Variants in SLC9A1 observed in about 807,000 individuals in gnomAD.
SLC9A1 encodes solute carrier family 9 member A1, also known as sodium/hydrogen exchanger 1.
Under a neutral mutation model 67.9 loss-of-function variants are expected in SLC9A1, and 22 were observed. The observed-to-expected ratio is 0.32, with a 90% CI of 0.23 to 0.46. The LOEUF is 0.46. Ranked by LOEUF, SLC9A1 falls within the 20% of genes least tolerant of loss-of-function variation. SLC9A1 has a pLI of 1.00. For synonymous variants in SLC9A1, 421 were observed against 471.8 expected, an observed-to-expected ratio of 0.89 and a Z score of 1.40; for missense variants, 686 against 1,094.8, an observed-to-expected ratio of 0.63 and a Z score of 5.27.
Position 27,101,302 on chromosome 1 carries a change from C to A in SLC9A1, c.2038-27G>T, listed in dbSNP as rs570076576. 2 of 1,597,394 alleles carry A rather than the reference C, an allele frequency of 1.3e-6. No individual in the cohort carries two copies. Among genetic ancestry groups the A allele is most frequent in the Admixed American group, 1.7e-5 (1 of 59,934 alleles). On this transcript the variant is annotated intron_variant, in intron 10 of 11. Transcript: ENST00000263980. This position sits in a 1 kb window ranked among gnomAD's most constrained non-coding sequence, Gnocchi z 4.9. ...TGACAGAGAGGACAGACGGGGTGAG[C>A]ACAGGCAGCTGGGCAGAGGGAGCCC... is the stretch of plus-strand genomic sequence containing the variant.
intron 1 of SLC9A1, among the ~76,000 whole-genome samples, chr1:27,120,504 G>A (rs1394814354): frequency 3.3e-5 from 5 of 151,716 alleles, no homozygotes; most frequent in African/African-American, 7.3e-5. Context: ...TTGGGAGGCC[G>A]AGGCGGGTGG....
intron 1 of SLC9A1, among the ~76,000 whole-genome samples, chr1:27,128,138 G>A (rs558584981): frequency 1.3e-5 from 2 of 152,338 alleles, no homozygotes; most frequent in Admixed American, 1.3e-4. Flanking sequence ...GCTTGCACGA[G>A]GCAGCAGCGG....
At chr1:27,121,468 C>A (rs1006300309) in intron 1 of SLC9A1, among the ~76,000 whole-genome samples, 11 of 152,216 alleles carry the variant, frequency 7.2e-5, no homozygotes, top group African/African-American at 2.4e-4. Context: ...AGGGACTAGA[C>A]ACAGGAGCAC....
At chr1:27,126,703 C>A (rs1350255578) in intron 1 of SLC9A1, among the ~76,000 whole-genome samples, 1 of 152,214 alleles carries the variant, frequency 6.6e-6, no homozygotes, top group Non-Finnish European at 1.5e-5. Context: ...TAGGCCTCAG[C>A]ACGGAGCCTG....
At chr1:27,142,855 C>T (rs2083460869) in intron 1 of SLC9A1, among the ~76,000 whole-genome samples, 3 of 152,058 alleles carry the variant, frequency 2.0e-5, no homozygotes, top group African/African-American at 7.2e-5. Flanking sequence ...CTCTGGGGTC[C>T]TTCTCCTTGC....
chr1:27,146,406 A>G (rs2083485588), intron 1 of SLC9A1, among the ~76,000 whole-genome samples: 1 of 152,212 alleles, frequency 6.6e-6, no homozygotes. Context: ...TGATCCACAG[A>G]AAGCAGCCAA....
At chr1:27,128,604 C>T (rs1055779355) in intron 1 of SLC9A1, among the ~76,000 whole-genome samples, 19 of 149,876 alleles carry the variant, frequency 1.3e-4, no homozygotes, top group African/African-American at 3.5e-4. Flanking sequence ...TTCAGTGAGC[C>T]GAGATCATGC....
chr1:27,133,042 C>T (rs1391311579), intron 1 of SLC9A1, among the ~76,000 whole-genome samples: 2 of 151,988 alleles, frequency 1.3e-5, no homozygotes, highest in Non-Finnish European at 2.9e-5. Flanking sequence ...AAGGCCTAGC[C>T]CAAGCCCGTC....
chr1:27,135,249 C>T (rs2083412188), intron 1 of SLC9A1, among the ~76,000 whole-genome samples: 1 of 151,448 alleles, frequency 6.6e-6, no homozygotes, highest in Non-Finnish European at 1.5e-5. Context: ...GACAGGGTCT[C>T]CCTAGGTTGC....
intron 5 of SLC9A1, chr1:27,103,625 A>C: frequency 2.7e-6 from 1 of 375,832 alleles, no homozygotes; most frequent in Non-Finnish European, 5.0e-6. Context: ...TTGCTCTGCA[A>C]CCCCATGGAA....
chr1:27,126,424 A>G (rs1454009525), intron 1 of SLC9A1, among the ~76,000 whole-genome samples: 2 of 152,182 alleles, frequency 1.3e-5, no homozygotes, highest in Non-Finnish European at 2.9e-5. Context: ...TGGGCGAACC[A>G]CAAGATGTTG....
chr1:27,124,005 C>A (rs1404722511), intron 1 of SLC9A1, among the ~76,000 whole-genome samples: 3 of 152,076 alleles, frequency 2.0e-5, no homozygotes, highest in African/African-American at 7.2e-5. Flanking sequence ...GTATTTCAAG[C>A]CACCATCTCC....
At chr1:27,147,944 A>T in intron 1 of SLC9A1, among the ~76,000 whole-genome samples, 1 of 152,044 alleles carries the variant, frequency 6.6e-6, no homozygotes, top group Non-Finnish European at 1.5e-5. Context: ...CAGTGAGCTG[A>T]GATTGCACTA....
intron 1 of SLC9A1, among the ~76,000 whole-genome samples, chr1:27,151,381 A>G (rs1407627945): frequency 5.3e-5 from 8 of 151,862 alleles, no homozygotes; most frequent in Admixed American, 5.3e-4. Flanking sequence ...TTATTTAGAG[A>G]CGGAATTTCA....
intron 3 of SLC9A1, among the ~76,000 whole-genome samples, chr1:27,108,965 C>T (rs1204321919): frequency 6.6e-6 from 1 of 152,176 alleles, no homozygotes; most frequent in African/African-American, 2.4e-5. Context: ...GTGCTCACAC[C>T]CGGGCTCTGC....
chr1:27,107,042 G>A (rs1018421457), intron 4 of SLC9A1, among the ~76,000 whole-genome samples: 2 of 149,956 alleles, frequency 1.3e-5, no homozygotes, highest in Non-Finnish European at 3.0e-5. Context: ...GGAGCAGGCA[G>A]GAGCCAACCA....
chr1:27,123,203 C>G (rs2124171197), intron 1 of SLC9A1, among the ~76,000 whole-genome samples: 1 of 152,190 alleles, frequency 6.6e-6, no homozygotes, highest in East Asian at 1.9e-4. Flanking sequence ...AAATTTTTTT[C>G]TAACAGTCAT....
At chr1:27,153,567 C>G in intron 1 of SLC9A1, among the ~76,000 whole-genome samples, 1 of 152,222 alleles carries the variant, frequency 6.6e-6, no homozygotes, top group Non-Finnish European at 1.5e-5. Flanking sequence ...CCAGTGAAGC[C>G]TGTCATAAAT....
rs911245148 is a variant in SLC9A1 at position 27,155,103 on chromosome 1, C to A, written c.-769G>T. On this transcript the variant is annotated 5_prime_UTR_variant, in exon 1 of 12. Coordinates refer to ENST00000263980, the MANE Select transcript of SLC9A1 (RefSeq NM_003047.5). This position sits in a 1 kb window ranked among gnomAD's most constrained non-coding sequence, Gnocchi z 4.5. ...GTCCAGCTCCAGAACTAACCCTAGCCCCGGCCCCGGCGGCAGCAGACTGAA... is the reference window on the plus strand; with the variant it reads ...GTCCAGCTCCAGAACTAACCCTAGCACCGGCCCCGGCGGCAGCAGACTGAA... Among the ~76,000 whole-genome samples the A allele has an allele frequency of 1.7e-4, 26 of 152,056 alleles. No homozygotes were observed. Among genetic ancestry groups the A allele is most frequent in the Non-Finnish European group, 3.1e-4 (21 of 67,988 alleles).
Sources: allele counts gnomAD v4.1 joint callset (sites outside exome capture counted in the v4.1 genomes callset), GRCh38; gene constraint gnomAD v4.1.1; non-coding constraint Gnocchi (gnomAD v3.1); transcripts MANE v1.5; gene names NCBI Gene and HGNC (gene_info 2026-07-23, HGNC 2026-07-21).